The following METTL16 variants were observed in gnomAD, a reference collection of about 807,000 sequenced individuals.
METTL16 encodes RNA N(6)-adenosine-methyltransferase METTL16.
A neutral mutation model predicts 57.9 loss-of-function variants in METTL16; 19 were observed. The ratio of observed to expected loss-of-function variants is 0.33; its 90% CI spans 0.23 to 0.48. The LOEUF (loss-of-function observed/expected upper bound fraction) is 0.48. Among genes scored for constraint, METTL16 ranks in the 20% least tolerant of loss-of-function variants. The probability of loss-of-function intolerance (pLI) is 0.99; values close to 1 mark genes in which losing one functional copy is unlikely to be tolerated. For missense variants in METTL16, 434 were observed against 691.5 expected, an observed-to-expected ratio of 0.63 and a Z score of 4.18; for synonymous variants, 246 against 255.6, an observed-to-expected ratio of 0.96 and a Z score of 0.36.
intron 2 of METTL16, among the ~76,000 whole-genome samples, chr17:2,487,179 T>C (rs546415102): frequency 6.6e-6 from 1 of 152,286 alleles, no homozygotes; most frequent in South Asian, 2.1e-4. Flanking sequence ...AGGTTCTAGC[T>C]TGCTCAACAG....
At chr17:2,489,901 G>GT (rs1319842425) in intron 2 of METTL16, among the ~76,000 whole-genome samples, 1 of 152,018 alleles carries the variant, frequency 6.6e-6, no homozygotes, top group African/African-American at 2.4e-5. Context: ...AAAGTAATCA[G>GT]TATGGAATTG....
chr17:2,447,850 G>A (rs1413743919), intron 6 of METTL16, among the ~76,000 whole-genome samples: 3 of 101,870 alleles, frequency 2.9e-5, no homozygotes, highest in African/African-American at 6.1e-5. Flanking sequence ...CGGGAGGGAG[G>A]TGGGGGGTCA....
At chr17:2,448,917 C>T (rs910142855) in intron 6 of METTL16, among the ~76,000 whole-genome samples, 2 of 147,606 alleles carry the variant, frequency 1.4e-5, no homozygotes, top group Admixed American at 1.4e-4. Context: ...GTCCCAGCTA[C>T]TTGGGAGGCT....
At chr17:2,460,434 G>GTGT (rs1414970284) in intron 6 of METTL16, 1 of 152,264 alleles carries the variant, frequency 6.6e-6, no homozygotes, top group African/African-American at 2.4e-5. Flanking sequence ...CCTTAGAATG[G>GTGT]TGTTCTATTC....
chr17:2,492,487 T>C (rs1191854237), intron 2 of METTL16, among the ~76,000 whole-genome samples: 1 of 152,178 alleles, frequency 6.6e-6, no homozygotes, highest in Admixed American at 6.6e-5. Context: ...TCAGTGTCCA[T>C]AGAATGCTAG....
chr17:2,477,970 T>C, intron 2 of METTL16, 85 bp from the exon 3 acceptor site: 1 of 1,141,202 alleles, frequency 8.8e-7, no homozygotes, highest in Non-Finnish European at 1.3e-6. Context: ...CAGAACCAAA[T>C]ACCCATCCGA....
chr17:2,466,608 CA>C (rs1193968310), intron 5 of METTL16, among the ~76,000 whole-genome samples: 1 of 152,072 alleles, frequency 6.6e-6, no homozygotes, highest in Non-Finnish European at 1.5e-5. Context: ...CCTTAGATAC[CA>C]AAATCCAAGG....
intron 6 of METTL16, among the ~76,000 whole-genome samples, chr17:2,446,492 AAT>A (rs2066995993): frequency 6.6e-6 from 1 of 152,150 alleles, no homozygotes; most frequent in African/African-American, 2.4e-5. Context: ...ACACAAAATC[AAT>A]TGTTGGGGCC....
intron 8 of METTL16, among the ~76,000 whole-genome samples, chr17:2,427,880 G>A (rs916336791): frequency 1.3e-5 from 2 of 151,526 alleles, no homozygotes; most frequent in South Asian, 4.2e-4. Flanking sequence ...TGGGGAGGTC[G>A]AGGCAGGAGG....
chr17:2,477,537 C>T (rs986286295), intron 3 of METTL16, 149 bp downstream of exon 3: 7 of 636,836 alleles, frequency 1.1e-5, no homozygotes, highest in South Asian at 3.9e-5. Context: ...TGAAGCATTT[C>T]GGATTTTCGG....
intron 6 of METTL16, among the ~76,000 whole-genome samples, chr17:2,461,640 A>T (rs1430061743): frequency 2.7e-5 from 4 of 148,382 alleles, no homozygotes; most frequent in African/African-American, 1.0e-4. Context: ...GCAGTGGCAC[A>T]ATCTTGGTTC....
At chr17:2,428,097 G>T (rs1029467336) in intron 8 of METTL16, among the ~76,000 whole-genome samples, 1 of 151,956 alleles carries the variant, frequency 6.6e-6, no homozygotes, top group Non-Finnish European at 1.5e-5. Context: ...ACAAGAACTT[G>T]CAACATATTT....
chr17:2,486,899 G>T (rs572607018), intron 2 of METTL16, among the ~76,000 whole-genome samples: 1 of 150,788 alleles, frequency 6.6e-6, no homozygotes, highest in Admixed American at 6.7e-5. Context: ...AGTAGGGCGC[G>T]GTACTGAGGT....
intron 5 of METTL16, among the ~76,000 whole-genome samples, chr17:2,466,335 A>G (rs920940888): frequency 1.3e-5 from 2 of 152,136 alleles, no homozygotes; most frequent in Admixed American, 1.3e-4. Flanking sequence ...AGGGAAGAAA[A>G]AAGCTCTCTC....
At chr17:2,491,940 G>C (rs533989724) in intron 2 of METTL16, among the ~76,000 whole-genome samples, 2 of 150,224 alleles carry the variant, frequency 1.3e-5, no homozygotes, top group Non-Finnish European at 3.0e-5. Flanking sequence ...GGCTGGGCGC[G>C]GTGGCTCACG....
intron 2 of METTL16, among the ~76,000 whole-genome samples, chr17:2,493,224 G>A (rs954669968): frequency 1.3e-5 from 2 of 150,718 alleles, no homozygotes; most frequent in Non-Finnish European, 3.0e-5. Flanking sequence ...GAGTAGCTGG[G>A]ATTAGAGGTG....
intron 8 of METTL16, among the ~76,000 whole-genome samples, chr17:2,422,708 G>C (rs1371815958): frequency 2.0e-5 from 3 of 152,112 alleles, no homozygotes; most frequent in African/African-American, 7.2e-5. Flanking sequence ...TTTAGGCTGG[G>C]TGTGGTGGCT....
intron 5 of METTL16, among the ~76,000 whole-genome samples, chr17:2,466,630 C>T (rs2067198789): frequency 6.6e-6 from 1 of 152,132 alleles, no homozygotes; most frequent in South Asian, 2.1e-4. Flanking sequence ...AAGCTCAAGT[C>T]CCTTTTATCA....
At chr17:2,505,251 A>C (rs1275601285) in intron 1 of METTL16, among the ~76,000 whole-genome samples, 2 of 151,752 alleles carry the variant, frequency 1.3e-5, no homozygotes, top group African/African-American at 2.4e-5. Flanking sequence ...TATTCTTCTA[A>C]ACAATATTAT....
Sources: gnomAD v4.1 joint callset for allele counts (sites outside exome capture counted in the v4.1 genomes callset) on GRCh38, gnomAD v4.1.1 for gene constraint, MANE v1.5 for transcripts, NCBI Gene and HGNC (gene_info 2026-07-23, HGNC 2026-07-21) for gene names.